The following NVL variants were observed in gnomAD, a reference collection of about 807,000 sequenced individuals.
NVL encodes nuclear valosin-containing protein-like.
In NVL, 84 loss-of-function variants were observed where a neutral mutation model predicts 110.2. The ratio of observed to expected loss-of-function variants is 0.76; its 90% confidence interval spans 0.64 to 0.91. The LOEUF is 0.91. NVL is among the 40% of genes least tolerant of loss of function. The pLI, the probability that NVL is intolerant of heterozygous loss-of-function variation, is 0.00. For missense variants in NVL, 882 were observed against 1,035.9 expected (o/e 0.85, Z 2.04); for synonymous variants, 354 against 361.1 (o/e 0.98, Z 0.22).
At chr1:224,329,426 A>G (rs763976193) in intron 1 of NVL, among the ~76,000 whole-genome samples, 123 of 152,254 alleles carry the variant, frequency 8.1e-4, no homozygotes, top group Non-Finnish European at 4.0e-4. Context: ...ATGGGTCCGA[A>G]AAGGAGATTG....
rs200507325 is a variant in NVL, at chr1:224,289,601, G to A, written c.1458C>T (p.Val486=). The A allele has an allele frequency of 1.2e-6, 2 of 1,614,148 alleles. No homozygotes were observed. Among genetic ancestry groups the A allele is most frequent in the Admixed American group, 3.3e-5 (2 of 60,020 alleles). The stretch of plus-strand genomic sequence containing the variant: ...CCTGTAGCTTCATTAAGACTCTATT[G>A]ACTGCACACATTGCTGCCTCTCGGC... ...ALCREAAMCA[V]NRVLMKLQEQ... Residue 486 remains valine, a synonymous_variant, in exon 13 of 23, where the codon GTC becomes GTT. Transcript: ENST00000281701.
At position 224,314,132 on chromosome 1, in the gene NVL, T is replaced by C. The variant is rs111884600; in HGVS notation, c.285-2275A>G. 3.6e-3 allele frequency among the ~76,000 whole-genome samples: 541 copies of C among 152,338 alleles called. 3 individuals carry two copies. Among genetic ancestry groups the C allele is most frequent in the African/African-American group, 0.011 (474 of 41,568 alleles). ...ATACAAAGTTGTTGGGAGTATAAACTGAGGCAACCTTTTTAGGAAGGTAAG... is the reference window on the plus strand; with the variant it reads ...ATACAAAGTTGTTGGGAGTATAAACCGAGGCAACCTTTTTAGGAAGGTAAG... On this transcript the variant is annotated intron_variant, in intron 4 of 22. Coordinates refer to ENST00000281701, the MANE Select transcript of NVL (RefSeq NM_002533.4).
At chr1:224,232,759 C>T (rs970670104) in intron 21 of NVL, 1 of 153,196 alleles carries the variant, frequency 6.5e-6, no homozygotes, top group African/African-American at 2.4e-5. Context: ...CAAAGCATCA[C>T]ATAACACAAT....
In NVL at chr1:224,275,350, A is replaced by G; in HGVS notation, c.2071T>C (p.Ser691Pro). Residue 691 changes from serine (S) to proline (P), a missense_variant, in exon 17 of 23, where the codon TCA becomes CCA. Ser to Pro is a moderately conservative substitution (Grantham distance 74). Coordinates refer to ENST00000281701, the MANE Select transcript of NVL (RefSeq NM_002533.4). Reference protein sequence around the residue: ...DEVDALCPRRSDRETGASVRV... With the variant: ...DEVDALCPRRPDRETGASVRV... ...TCCATGATACTTACCTCTCGGTCTG[A>G]TCTTCGAGGACATAAAGCATCCACT... 6.2e-7 allele frequency: 1 copy of G among 1,614,184 alleles called. No homozygotes were observed. The highest frequency in any genetic ancestry group is 1.1e-5 in the South Asian group (1 of 91,088).
chr1:224,236,844 G>A (rs1181631947), intron 19 of NVL, among the ~76,000 whole-genome samples: 4 of 152,188 alleles, frequency 2.6e-5, no homozygotes, highest in Admixed American at 2.6e-4. Flanking sequence ...CCTGGAGGTG[G>A]AGGTTGTAGT....
At chr1:224,229,865 T>A (rs947457577) in intron 22 of NVL, among the ~76,000 whole-genome samples, 2 of 152,178 alleles carry the variant, frequency 1.3e-5, no homozygotes, top group Non-Finnish European at 2.9e-5. Context: ...AAGGTTTCGT[T>A]CTGTAACCGA....
intron 20 of NVL, among the ~76,000 whole-genome samples, chr1:224,236,265 G>A (rs1228698715): frequency 1.3e-5 from 2 of 152,152 alleles, no homozygotes; most frequent in Non-Finnish European, 2.9e-5. Flanking sequence ...GCTGGTTAGG[G>A]TAGGTTAAGT....
intron 21 of NVL, chr1:224,232,154 C>CT (rs1429345828): frequency 5.3e-5 from 8 of 151,846 alleles, no homozygotes; most frequent in African/African-American, 1.9e-4. Flanking sequence ...CGAGACCATC[C>CT]TGGCTAACAT....
At chr1:224,325,628 G>A (rs186226667) in intron 2 of NVL, among the ~76,000 whole-genome samples, 256 of 152,160 alleles carry the variant, frequency 1.7e-3, no homozygotes, top group Non-Finnish European at 3.0e-3. Flanking sequence ...AGCTACTTGG[G>A]AAGCTGAGGC....
intron 16 of NVL, among the ~76,000 whole-genome samples, chr1:224,277,483 G>A (rs772497384): frequency 5.9e-5 from 9 of 152,150 alleles, no homozygotes; most frequent in Non-Finnish European, 1.3e-4. Context: ...AAGTGACTTT[G>A]GAAATGGTAA....
At chr1:224,316,173 CA>C (rs546100044) in intron 4 of NVL, among the ~76,000 whole-genome samples, 1 of 150,690 alleles carries the variant, frequency 6.6e-6, no homozygotes, top group Non-Finnish European at 1.5e-5. Flanking sequence ...GACTCTGTCT[CA>C]AAAAAAACAA....
intron 17 of NVL, among the ~76,000 whole-genome samples, chr1:224,272,675 C>T (rs1665250689): frequency 6.6e-6 from 1 of 151,986 alleles, no homozygotes; most frequent in Non-Finnish European, 1.5e-5. Context: ...TGAGATTACA[C>T]CACTGCACTC....
rs1055876200 is a variant in NVL at position 224,308,783 on chromosome 1, C to T, written c.343-520G>A. On this transcript the variant is annotated intron_variant, in intron 5 of 22. Coordinates refer to ENST00000281701, the MANE Select transcript of NVL (RefSeq NM_002533.4). ...ACTATTCAAAAAGACTTCACTCGGC[C>T]GGGCGCAGTGGCTCACGCCTGTAAT... Among the ~76,000 whole-genome samples, 4 of 149,612 alleles carry T rather than the reference C, an allele frequency of 2.7e-5. No homozygotes were observed. In the East Asian group the frequency reaches 6.0e-4, roughly 23 times the overall value.
chr1:224,300,181 T>C (rs1379746761), intron 10 of NVL, among the ~76,000 whole-genome samples: 1 of 152,244 alleles, frequency 6.6e-6, no homozygotes, highest in Non-Finnish European at 1.5e-5. Context: ...TTATGGTTGC[T>C]TTTATAATAG....
At chr1:224,326,908 G>A (rs1272039605) in intron 1 of NVL, among the ~76,000 whole-genome samples, 2 of 152,152 alleles carry the variant, frequency 1.3e-5, no homozygotes, top group African/African-American at 4.8e-5. Context: ...GCTCATATCT[G>A]TAATCCCAAC....
Position 224,257,538 on chromosome 1 carries a change from C to T in NVL, c.2183-7220G>A, listed in dbSNP as rs1259049361. ...TGTCTGTTTGTTTGTTTGTTTGTTT[C>T]TTTTTTTGGAGACAGGGTCTCACTC... On this transcript the variant is annotated intron_variant, in intron 18 of 22. Transcript: ENST00000281701. 2.0e-5 allele frequency among the ~76,000 whole-genome samples: 3 copies of T among 151,106 alleles called. No individual in the cohort carries two copies. In the South Asian group the frequency reaches 6.3e-4, roughly 32 times the overall value.
intron 10 of NVL, among the ~76,000 whole-genome samples, chr1:224,298,955 A>G (rs996327702): frequency 2.0e-5 from 3 of 152,236 alleles, no homozygotes; most frequent in African/African-American, 7.2e-5. Context: ...ACCACAAAAA[A>G]GAGATAAGGA....
In NVL at chr1:224,232,977, AG is replaced by A. The variant is rs1199506898; in HGVS notation, c.2455+223del. 55 of 406,404 alleles carry A rather than the reference AG, an allele frequency of 1.4e-4. No homozygotes were observed. The South Asian group carries it at 3.3e-3, about 24-fold the overall frequency. 25.2% of individuals were successfully genotyped at this position (406,404 alleles called of 1,614,324 possible). A position where few individuals can be genotyped will look rare whatever the true frequency, so the allele number is the denominator to read the frequency against. ...ACAGCGAATGGATCCATTTGCCTAT[AG>A]GGACAGTACTCTTTATTAGAGAGGT... is the stretch of plus-strand genomic sequence containing the variant. On this transcript the variant is annotated intron_variant, in intron 21 of 22. Transcript: ENST00000281701.
intron 9 of NVL, among the ~76,000 whole-genome samples, chr1:224,302,160 A>T (rs1393122405): frequency 6.6e-6 from 1 of 152,170 alleles, no homozygotes; most frequent in Non-Finnish European, 1.5e-5. Flanking sequence ...TTTCTTTCAT[A>T]GAACATTATT....
Sources: allele counts gnomAD v4.1 joint callset (sites outside exome capture counted in the v4.1 genomes callset), GRCh38; gene constraint gnomAD v4.1.1; transcripts MANE v1.5; gene names NCBI Gene and HGNC (gene_info 2026-07-23, HGNC 2026-07-21).